The following ZFAT variants were observed in gnomAD, a reference collection of about 807,000 sequenced individuals.
ZFAT encodes the protein zinc finger protein ZFAT.
ZFAT carries 64 observed loss-of-function variants against 117.7 expected under a neutral mutation model. The observed-to-expected ratio is 0.54, with a 90% confidence interval of 0.44 to 0.67. The LOEUF is 0.67. ZFAT is among the 30% of genes least tolerant of loss of function. The pLI, the probability that ZFAT is intolerant of heterozygous loss-of-function variation, is 0.00. For synonymous variants in ZFAT, 679 were observed against 615.0 expected (o/e 1.10, Z -1.54); for missense variants, 1,433 against 1,584.5 (o/e 0.90, Z 1.62).
chr8:134,832,008 G>C, the ZFAT span, among the ~76,000 whole-genome samples: 1 of 148,676 alleles, frequency 6.7e-6, no homozygotes, highest in Non-Finnish European at 1.5e-5. Flanking sequence ...GGTCGGGCGA[G>C]GAGGCCGCCG....
chr8:134,800,803 C>T, the ZFAT span, among the ~76,000 whole-genome samples: 1 of 152,058 alleles, frequency 6.6e-6, no homozygotes, highest in East Asian at 1.9e-4. Context: ...GGGGCGTGTC[C>T]AGGGCAGTGG....
chr8:134,486,103 A>C (rs377406726), intron 15 of ZFAT, among the ~76,000 whole-genome samples: 2 of 152,238 alleles, frequency 1.3e-5, no homozygotes, highest in African/African-American at 4.8e-5. Flanking sequence ...GGAATTTAAA[A>C]TAAAACCCGT....
rs77986256 is a variant in ZFAT, at chr8:134,640,333, G to C, written c.197-2621C>G. On this transcript the variant is annotated intron_variant, in intron 2 of 15. Coordinates refer to ENST00000377838, the MANE Select transcript of ZFAT (RefSeq NM_020863.4). ...TGGCTGGTATCAGGAGTCTTGGGCA[G>C]ACTTGGTCGTCTTGCGGAGAACTGT... Among the ~76,000 whole-genome samples, 1,174 of 152,344 alleles carry C rather than the reference G, an allele frequency of 7.7e-3. 15 individuals carry two copies. The highest frequency in any genetic ancestry group is 0.026 in the African/African-American group (1,101 of 41,570).
the ZFAT span, among the ~76,000 whole-genome samples, chr8:134,823,926 G>T: frequency 6.6e-6 from 1 of 152,150 alleles, no homozygotes; most frequent in South Asian, 2.1e-4. Context: ...AAACTCTTTT[G>T]CACAGAACTA....
chr8:134,633,954 G>A (rs1379141419), intron 3 of ZFAT, among the ~76,000 whole-genome samples: 3 of 152,178 alleles, frequency 2.0e-5, no homozygotes, highest in South Asian at 2.1e-4. Flanking sequence ...GCTGAGGCAG[G>A]AGAATCACTT....
intron 3 of ZFAT, among the ~76,000 whole-genome samples, chr8:134,633,502 C>T (rs1196846684): frequency 6.6e-6 from 1 of 152,196 alleles, no homozygotes; most frequent in Non-Finnish European, 1.5e-5. Flanking sequence ...AAATGCCCAT[C>T]AACTAGAGAC....
chr8:134,700,257 C>T (rs1357085444), intron 1 of ZFAT, among the ~76,000 whole-genome samples: 1 of 152,206 alleles, frequency 6.6e-6, no homozygotes, highest in Non-Finnish European at 1.5e-5. Flanking sequence ...GTCTAAAATG[C>T]AAAGCTAGGT....
At chr8:134,726,719 AGC>A in the ZFAT span, among the ~76,000 whole-genome samples, 1 of 151,828 alleles carries the variant, frequency 6.6e-6, no homozygotes, top group Non-Finnish European at 1.5e-5. Flanking sequence ...CTCCCACCTC[AGC>A]CTCCTGAGTA....
At chr8:134,775,841 A>G in the ZFAT span, among the ~76,000 whole-genome samples, 2 of 152,236 alleles carry the variant, frequency 1.3e-5, no homozygotes, top group African/African-American at 2.4e-5. Context: ...ACCCCATAAT[A>G]GTTGAAATTA....
At chr8:134,760,251 G>A in the ZFAT span, among the ~76,000 whole-genome samples, 1 of 143,588 alleles carries the variant, frequency 7.0e-6, no homozygotes, top group Non-Finnish European at 1.5e-5. Flanking sequence ...CTGGGCAACA[G>A]AGGGAGACTC....
At chr8:134,800,814 G>T in the ZFAT span, among the ~76,000 whole-genome samples, 1 of 152,000 alleles carries the variant, frequency 6.6e-6, no homozygotes, top group Non-Finnish European at 1.5e-5. Context: ...AGGGCAGTGG[G>T]GGGCACTACA....
the ZFAT span, among the ~76,000 whole-genome samples, chr8:134,814,083 T>C: frequency 6.6e-6 from 1 of 152,178 alleles, no homozygotes; most frequent in Non-Finnish European, 1.5e-5. Context: ...TATAAGCTCT[T>C]GAAAGAGAAA....
rs369794230 is a variant in ZFAT, at chr8:134,600,532, G to A, written c.2379C>T (p.His793=). The change falls in exon 7 of 16, where the codon CAC becomes CAT. Residue 793 remains histidine (H), a synonymous_variant. Transcript: ENST00000377838. ...TGGGACACTTCAGCAAGATGTTACT[G>A]TGTTTCTGAATTACGTGGCGTTTAA... ...NCLKRHVIQK[H]SNILLKCPTD... 8 of 1,614,188 alleles carry A rather than the reference G, an allele frequency of 5.0e-6. No individual in the cohort carries two copies. The highest frequency in any genetic ancestry group is 1.7e-5 in the Admixed American group (1 of 60,018).
chr8:134,530,414 C>G (rs1821319884), intron 12 of ZFAT, among the ~76,000 whole-genome samples: 1 of 152,156 alleles, frequency 6.6e-6, no homozygotes, highest in Non-Finnish European at 1.5e-5. Flanking sequence ...GTTTCATGTT[C>G]TCCTTTCATT....
At chr8:134,501,919 G>A (rs550134951) in intron 15 of ZFAT, among the ~76,000 whole-genome samples, 2 of 152,226 alleles carry the variant, frequency 1.3e-5, no homozygotes, top group South Asian at 2.1e-4. Context: ...ATCTCATCTC[G>A]GTCCCACTTT....
At chr8:134,727,925 T>C in the ZFAT span, among the ~76,000 whole-genome samples, 1 of 152,186 alleles carries the variant, frequency 6.6e-6, no homozygotes, top group Non-Finnish European at 1.5e-5. Context: ...AATATCATTA[T>C]CAAAAATACA....
chr8:134,771,302 C>G, the ZFAT span, among the ~76,000 whole-genome samples: 3 of 152,138 alleles, frequency 2.0e-5, no homozygotes, highest in Admixed American at 2.0e-4. Flanking sequence ...CAGAAAAGAA[C>G]CTATGTGAAT....
intron 3 of ZFAT, among the ~76,000 whole-genome samples, chr8:134,621,677 C>T (rs1829123390): frequency 1.3e-5 from 2 of 152,074 alleles, no homozygotes; most frequent in South Asian, 2.1e-4. Flanking sequence ...TAGGCAATCT[C>T]AATATAAATA....
intron 1 of ZFAT, among the ~76,000 whole-genome samples, chr8:134,676,659 C>T (rs1268036089): frequency 6.6e-6 from 1 of 152,222 alleles, no homozygotes; most frequent in African/African-American, 2.4e-5. Context: ...CTCAGCACCA[C>T]ATTACACTTA....
Sources: allele counts gnomAD v4.1 joint callset (sites outside exome capture counted in the v4.1 genomes callset), GRCh38; gene constraint gnomAD v4.1.1; transcripts MANE v1.5; gene names NCBI Gene and HGNC (gene_info 2026-07-23, HGNC 2026-07-21).